Variants in PXDNL observed in about 807,000 individuals in gnomAD.
PXDNL encodes the protein probable oxidoreductase PXDNL.
A neutral mutation model predicts 150.8 loss-of-function variants in PXDNL; 145 were observed. The ratio of observed to expected loss-of-function variants is 0.96; its 90% CI spans 0.84 to 1.10. The LOEUF (loss-of-function observed/expected upper bound fraction) is 1.10. Among genes scored for constraint, PXDNL ranks in the 50% least tolerant of loss-of-function variants. The pLI, the probability that PXDNL is intolerant of heterozygous loss-of-function variation, is 0.00. For missense variants in PXDNL, 2,087 were observed against 1,873.9 expected, an observed-to-expected ratio of 1.11 and a Z score of -2.10; for synonymous variants, 757 against 725.7, an observed-to-expected ratio of 1.04 and a Z score of -0.69.
chr8:51,617,190 TC>T (rs1814147459), intron 2 of PXDNL, among the ~76,000 whole-genome samples: 1 of 152,230 alleles, frequency 6.6e-6, no homozygotes, highest in South Asian at 2.1e-4. Context: ...TCAATCTTCC[TC>T]AATCTCTATA....
chr8:51,340,075 C>T (rs762107781), intron 20 of PXDNL: 5 of 165,146 alleles, frequency 3.0e-5, no homozygotes, highest in Non-Finnish European at 5.2e-5. Context: ...ATTTCTTTTG[C>T]TAACGAATTC....
chr8:51,487,217 C>T (rs956965531), intron 5 of PXDNL, among the ~76,000 whole-genome samples: 1 of 152,082 alleles, frequency 6.6e-6, no homozygotes, highest in Non-Finnish European at 1.5e-5. Flanking sequence ...AGACTTGTCT[C>T]CTTCCTGTGA....
chr8:51,806,834 T>G (rs1472420716), intron 1 of PXDNL, among the ~76,000 whole-genome samples: 1 of 152,166 alleles, frequency 6.6e-6, no homozygotes, highest in African/African-American at 2.4e-5. Flanking sequence ...TGCCTCTGCC[T>G]TCATTACCAT....
chr8:51,412,280 C>T (rs912722289), intron 15 of PXDNL, among the ~76,000 whole-genome samples: 39 of 152,246 alleles, frequency 2.6e-4, no homozygotes, highest in Middle Eastern at 3.4e-3. Context: ...TTCTATTCTC[C>T]AGGCACTGTT....
At chr8:51,370,187 T>G (rs1238269531) in intron 19 of PXDNL, among the ~76,000 whole-genome samples, 1 of 152,182 alleles carries the variant, frequency 6.6e-6, no homozygotes. Context: ...ATGAGCTAGG[T>G]GTTTCCCTGA....
chr8:51,705,828 T>C (rs1009853244), intron 1 of PXDNL, among the ~76,000 whole-genome samples: 1 of 57,728 alleles, frequency 1.7e-5, no homozygotes, highest in South Asian at 6.5e-4. Context: ...TGTGTGTGTG[T>C]GTGTGCGCGC....
chr8:51,470,090 C>A (rs868396228), intron 8 of PXDNL, among the ~76,000 whole-genome samples: 2 of 151,998 alleles, frequency 1.3e-5, no homozygotes, highest in Admixed American at 6.6e-5. Flanking sequence ...ACCTTGAACA[C>A]ACCATTTTAA....
At chr8:51,747,771 GGGCCATAGT>G (rs2037001612) in intron 1 of PXDNL, among the ~76,000 whole-genome samples, 1 of 152,076 alleles carries the variant, frequency 6.6e-6, no homozygotes, top group East Asian at 1.9e-4. Flanking sequence ...GTTAATTCCC[GGGCCATAGT>G]TTTAATGAAT....
At chr8:51,427,873 C>A (rs1219483783) in intron 12 of PXDNL, among the ~76,000 whole-genome samples, 3 of 152,072 alleles carry the variant, frequency 2.0e-5, no homozygotes, top group Non-Finnish European at 2.9e-5. Flanking sequence ...CAAGTTCTAG[C>A]CTGTGCACCA....
intron 4 of PXDNL, among the ~76,000 whole-genome samples, chr8:51,519,629 T>A (rs547494657): frequency 1.3e-5 from 2 of 152,108 alleles, no homozygotes; most frequent in South Asian, 4.1e-4. Context: ...ATGGAAGGGC[T>A]CAAGCTGGAA....
intron 17 of PXDNL, among the ~76,000 whole-genome samples, chr8:51,396,081 T>C (rs1214664148): frequency 6.6e-6 from 1 of 152,204 alleles, no homozygotes; most frequent in Admixed American, 6.5e-5. Context: ...ATAAATCGGT[T>C]CTATAGATCG....
chr8:51,462,456 T>C (rs531264435), intron 8 of PXDNL, among the ~76,000 whole-genome samples: 4 of 152,246 alleles, frequency 2.6e-5, no homozygotes, highest in East Asian at 1.9e-4. Context: ...AAGAACCAAA[T>C]TGAACTTCTG....
In PXDNL at chr8:51,674,302, G is replaced by A. The variant is rs897924056; in HGVS notation, c.165-19542C>T. 5.3e-5 allele frequency among the ~76,000 whole-genome samples: 8 copies of A among 152,304 alleles called. No individual in the cohort carries two copies. The East Asian group carries it at 7.7e-4, about 15-fold the overall frequency. On this transcript the variant is annotated intron_variant, in intron 1 of 22. Transcript: ENST00000356297. ...GGCTGACTGGTACTGAGATGGATTC[G>A]ATGACTCCAGCTGAATAGCCCTGGG...
chr8:51,371,470 C>T (rs1807111460), intron 19 of PXDNL, among the ~76,000 whole-genome samples: 2 of 152,210 alleles, frequency 1.3e-5, no homozygotes, highest in South Asian at 4.1e-4. Flanking sequence ...ACTACTGCAA[C>T]ATCTTATGAA....
chr8:51,449,682 G>T (rs1809759496), intron 10 of PXDNL, among the ~76,000 whole-genome samples: 1 of 152,194 alleles, frequency 6.6e-6, no homozygotes, highest in South Asian at 2.1e-4. Flanking sequence ...GCTAATAGCT[G>T]CATATGCCAT....
chr8:51,598,533 T>C (rs868804348), intron 2 of PXDNL, among the ~76,000 whole-genome samples: 1 of 152,124 alleles, frequency 6.6e-6, no homozygotes, highest in African/African-American at 2.4e-5. Context: ...GTGAATCACA[T>C]TCTCACATTT....
intron 19 of PXDNL, among the ~76,000 whole-genome samples, chr8:51,361,543 A>G (rs528236003): frequency 2.6e-4 from 39 of 152,356 alleles, no homozygotes; most frequent in Non-Finnish European, 4.6e-4. Context: ...ATTTGCATGT[A>G]TAAATATCAG....
chr8:51,684,240 A>T (rs73574290), intron 1 of PXDNL, among the ~76,000 whole-genome samples: 5,413 of 152,268 alleles, frequency 0.036, 301 homozygotes, highest in African/African-American at 0.12. Context: ...CAACTGATCC[A>T]CTGTCAAGGC....
chr8:51,690,870 T>C (rs1815980882), intron 1 of PXDNL, among the ~76,000 whole-genome samples: 1 of 152,164 alleles, frequency 6.6e-6, no homozygotes, highest in South Asian at 2.1e-4. Context: ...TTCTAACTGC[T>C]GTGAGATGGT....
Sources: gnomAD v4.1 joint callset for allele counts (sites outside exome capture counted in the v4.1 genomes callset) on GRCh38, gnomAD v4.1.1 for gene constraint, MANE v1.5 for transcripts, NCBI Gene and HGNC (gene_info 2026-07-23, HGNC 2026-07-21) for gene names.